PSD3: variants seen among roughly 807,000 people sequenced by gnomAD.
The protein encoded by PSD3 is PH and SEC7 domain-containing protein 3.
PSD3 carries 49 observed loss-of-function variants against 105.5 expected under a neutral mutation model. The ratio of observed to expected loss-of-function variants is 0.46; its 90% CI spans 0.37 to 0.59. PSD3 has a LOEUF of 0.59. PSD3 is among the 20% of genes least tolerant of loss of function. The pLI is 0.00. For synonymous variants in PSD3, 557 were observed against 457.8 expected (o/e 1.22, Z -2.77); for missense variants, 1,561 against 1,263.8 (o/e 1.24, Z -3.57).
intron 10 of PSD3, among the ~76,000 whole-genome samples, chr8:18,639,106 G>C (rs1285493372): frequency 1.3e-5 from 2 of 152,208 alleles, no homozygotes; most frequent in Non-Finnish European, 2.9e-5. Flanking sequence ...AGACAGGCCA[G>C]AATATTGTTA....
chr8:18,678,627 C>T, intron 9 of PSD3, among the ~76,000 whole-genome samples: 1 of 152,178 alleles, frequency 6.6e-6, no homozygotes, highest in East Asian at 1.9e-4. Flanking sequence ...GCCCGACAAA[C>T]ATGGAGAAAC....
intron 9 of PSD3, among the ~76,000 whole-genome samples, chr8:18,660,143 G>A (rs992434321): frequency 6.6e-6 from 1 of 152,166 alleles, no homozygotes; most frequent in East Asian, 1.9e-4. Context: ...GATGGGGAAC[G>A]TACGTGGGTG....
intron 9 of PSD3, among the ~76,000 whole-genome samples, chr8:18,761,934 G>A (rs990872391): frequency 1.3e-5 from 2 of 152,202 alleles, no homozygotes; most frequent in Admixed American, 1.3e-4. Flanking sequence ...TTTGTTATAT[G>A]AATGACTGTC....
chr8:18,546,301 AG>A (rs1800448002), intron 15 of PSD3, among the ~76,000 whole-genome samples: 2 of 152,156 alleles, frequency 1.3e-5, no homozygotes, highest in East Asian at 3.9e-4. Flanking sequence ...CCAGCCTTGA[AG>A]TAATTTTAAA....
At chr8:18,935,944 G>A in intron 2 of PSD3, 90 bp downstream of exon 2, 1 of 772,180 alleles carries the variant, frequency 1.3e-6, no homozygotes, top group Admixed American at 2.1e-5. Flanking sequence ...ACAGAGGGAA[G>A]AAGAAAGTAA....
intron 9 of PSD3, chr8:18,734,177 GA>G (rs1351044380): frequency 6.6e-6 from 1 of 152,204 alleles, no homozygotes; most frequent in Non-Finnish European, 1.5e-5. Flanking sequence ...CTTGGAGGTA[GA>G]AACCAGACTT....
intron 14 of PSD3, among the ~76,000 whole-genome samples, chr8:18,564,912 A>C (rs563023536): frequency 6.6e-6 from 1 of 152,268 alleles, no homozygotes; most frequent in Admixed American, 6.5e-5. Flanking sequence ...GTCTGACCAA[A>C]AAAGTATTTA....
intron 1 of PSD3, among the ~76,000 whole-genome samples, chr8:18,966,716 A>T (rs1824275359): frequency 6.6e-6 from 1 of 152,186 alleles, no homozygotes; most frequent in Non-Finnish European, 1.5e-5. Context: ...AGTGTGCCCC[A>T]GGAGGACGCA....
chr8:18,555,967 C>T (rs142610386), intron 15 of PSD3, among the ~76,000 whole-genome samples: 2 of 152,274 alleles, frequency 1.3e-5, no homozygotes, highest in East Asian at 1.9e-4. Flanking sequence ...CACACTATTC[C>T]AACCAGGCAG....
chr8:18,837,354 T>A (rs570030869), intron 4 of PSD3, among the ~76,000 whole-genome samples: 29 of 152,262 alleles, frequency 1.9e-4, no homozygotes, highest in African/African-American at 6.7e-4. Flanking sequence ...TATGACACCA[T>A]GTATTTATAA....
intron 1 of PSD3, among the ~76,000 whole-genome samples, chr8:18,946,676 G>A (rs1231532821): frequency 6.6e-6 from 1 of 151,976 alleles, no homozygotes; most frequent in East Asian, 1.9e-4. Flanking sequence ...GAGGTGGGTG[G>A]ATCACCTGAG....
chr8:18,603,899 T>C (rs932209495), intron 11 of PSD3, among the ~76,000 whole-genome samples: 1 of 152,184 alleles, frequency 6.6e-6, no homozygotes, highest in African/African-American at 2.4e-5. Flanking sequence ...GCTGAACAGA[T>C]GCCAACATCA....
intron 1 of PSD3, among the ~76,000 whole-genome samples, chr8:18,970,821 G>A (rs113676158): frequency 6.1e-4 from 92 of 151,798 alleles, no homozygotes; most frequent in African/African-American, 1.9e-3. Flanking sequence ...TGGGCGTGGC[G>A]GTGTGCACCT....
chr8:18,788,665 T>C (rs1809415716), intron 8 of PSD3, among the ~76,000 whole-genome samples: 1 of 152,152 alleles, frequency 6.6e-6, no homozygotes, highest in Non-Finnish European at 1.5e-5. Flanking sequence ...AAAGCCCTCA[T>C]CATCCATTGG....
chr8:18,780,997 C>A (rs1055327382), intron 8 of PSD3, among the ~76,000 whole-genome samples: 1 of 151,992 alleles, frequency 6.6e-6, no homozygotes, highest in East Asian at 1.9e-4. Context: ...AGCATTTATT[C>A]TCCTTCATTT....
intron 11 of PSD3, among the ~76,000 whole-genome samples, chr8:18,601,562 T>C (rs1367086917): frequency 6.6e-6 from 1 of 152,168 alleles, no homozygotes; most frequent in East Asian, 1.9e-4. Flanking sequence ...GCCAACACCA[T>C]GCTGAGATAT....
intron 10 of PSD3, among the ~76,000 whole-genome samples, chr8:18,651,862 A>C (rs958540477): frequency 2.0e-5 from 3 of 152,206 alleles, no homozygotes; most frequent in Non-Finnish European, 2.9e-5. Flanking sequence ...GAACAAAATC[A>C]ATTATTGGCA....
chr8:18,991,208 T>C lies in PSD3; in HGVS notation c.21+22355A>G, dbSNP rs143701270. On this transcript the variant is annotated intron_variant, in intron 1 of 15. Transcript: ENST00000327040. Reference sequence around the variant, plus strand: ...ACCACACACTGGTTTAGATGCAGTATTGAACTAAGTCAGACTGAATTTCAG... The same window carrying C: ...ACCACACACTGGTTTAGATGCAGTACTGAACTAAGTCAGACTGAATTTCAG... Among the ~76,000 whole-genome samples the C allele has an allele frequency of 3.0e-3, 451 of 152,250 alleles. 3 individuals are homozygous for C. Among genetic ancestry groups the C allele is most frequent in the African/African-American group, 0.01 (429 of 41,536 alleles).
At position 18,629,995 on chromosome 8, in the gene PSD3, G is replaced by C. The variant is rs188813617; in HGVS notation, c.2410+2618C>G. On this transcript the variant is annotated intron_variant, in intron 11 of 15. Transcript: ENST00000327040. ...AATTAAAGGCAGCTGAAACTTCCAC[G>C]CTCCTCCTGATAGCCCCATGGAAAA... is the stretch of plus-strand genomic sequence containing the variant. 2.3e-4 allele frequency among the ~76,000 whole-genome samples: 35 copies of C among 151,906 alleles called. 1 individual carries two copies. The highest frequency in any genetic ancestry group is 2.1e-3 in the Admixed American group (32 of 15,196).
Sources: gnomAD v4.1 joint callset for allele counts (sites outside exome capture counted in the v4.1 genomes callset) on GRCh38, gnomAD v4.1.1 for gene constraint, MANE v1.5 for transcripts, NCBI Gene and HGNC (gene_info 2026-07-23, HGNC 2026-07-21) for gene names.